MCU: variants seen among roughly 807,000 people sequenced by gnomAD.
The protein encoded by MCU is mitochondrial calcium uniporter, also known as calcium uniporter protein, mitochondrial.
MCU carries 12 observed loss-of-function variants against 45.2 expected under a neutral mutation model. The observed-to-expected ratio is 0.27, with a 90% CI of 0.17 to 0.43. MCU has a LOEUF of 0.43. Ranked by LOEUF, MCU falls within the 20% of genes least tolerant of loss-of-function variation. MCU has a pLI of 1.00. For missense variants in MCU, 324 were observed against 436.7 expected, an observed-to-expected ratio of 0.74 and a Z score of 2.30; for synonymous variants, 160 against 165.1, an observed-to-expected ratio of 0.97 and a Z score of 0.24.
intron 1 of MCU, among the ~76,000 whole-genome samples, chr10:72,824,938 C>G (rs919817873): frequency 2.2e-4 from 34 of 152,100 alleles, no homozygotes; most frequent in African/African-American, 8.2e-4. Flanking sequence ...GACTTCTCAC[C>G]AGCATTTCTT....
chr10:72,762,085 A>T (rs2132723936), intron 1 of MCU, among the ~76,000 whole-genome samples: 1 of 152,318 alleles, frequency 6.6e-6, no homozygotes, highest in Admixed American at 6.5e-5. Flanking sequence ...GGATTTGGAA[A>T]TCTTCAGAAA....
In MCU at chr10:72,859,276, CTGTT is replaced by C; in HGVS notation, c.321_324del (p.Gly109TyrfsTer32). On this transcript the variant is annotated frameshift_variant, in exon 3 of 8. Coordinates refer to ENST00000373053, the MANE Select transcript of MCU (RefSeq NM_138357.3). Reference sequence around the variant, plus strand: ...TTCACACTCAAGCCTATCTCTGACTCTGTTGGTGTATTTTTACGACAACTGCAAG... The same window carrying C: ...TTCACACTCAAGCCTATCTCTGACTCGGTGTATTTTTACGACAACTGCAAG... The C allele has an allele frequency of 6.2e-7, 1 of 1,613,920 alleles. No individual in the cohort carries two copies. Among genetic ancestry groups the C allele is most frequent in the Non-Finnish European group, 8.5e-7 (1 of 1,179,942 alleles).
intron 1 of MCU, among the ~76,000 whole-genome samples, chr10:72,727,641 C>T (rs1331825475): frequency 1.3e-5 from 2 of 152,036 alleles, no homozygotes; most frequent in East Asian, 1.9e-4. Flanking sequence ...TGTTGGTTCC[C>T]GAGTATGTAT....
At chr10:72,820,614 G>A (rs906185249) in intron 1 of MCU, among the ~76,000 whole-genome samples, 1 of 151,550 alleles carries the variant, frequency 6.6e-6, no homozygotes, top group African/African-American at 2.4e-5. Context: ...AAGTTAAAGC[G>A]ATTCTCCTGC....
intron 1 of MCU, among the ~76,000 whole-genome samples, chr10:72,705,615 C>T (rs574995563): frequency 2.0e-5 from 3 of 151,832 alleles, no homozygotes; most frequent in Non-Finnish European, 2.9e-5. Context: ...GTCGGGAGTT[C>T]GAGACCAGCC....
At chr10:72,710,551 T>C (rs866634348) in intron 1 of MCU, among the ~76,000 whole-genome samples, 4 of 146,860 alleles carry the variant, frequency 2.7e-5, no homozygotes, top group Non-Finnish European at 6.0e-5. Flanking sequence ...AGGTTTTTTT[T>C]TTTTTTTTTT....
chr10:72,726,516 T>G (rs1310213136), intron 1 of MCU, among the ~76,000 whole-genome samples: 1 of 152,118 alleles, frequency 6.6e-6, no homozygotes, highest in East Asian at 1.9e-4. Flanking sequence ...CTGTTTTTTT[T>G]TGTCACTGTG....
At chr10:72,875,607 A>G (rs554502393) in intron 6 of MCU, among the ~76,000 whole-genome samples, 5 of 152,370 alleles carry the variant, frequency 3.3e-5, no homozygotes, top group South Asian at 2.1e-4. Flanking sequence ...TGCCTGTTCA[A>G]TGGCATTTAA....
chr10:72,837,428 C>A (rs886390631), intron 2 of MCU, among the ~76,000 whole-genome samples: 1 of 152,136 alleles, frequency 6.6e-6, no homozygotes. Context: ...ACAAGCAGAC[C>A]TAGGTTTATA....
chr10:72,702,548 G>A (rs993057578), intron 1 of MCU, among the ~76,000 whole-genome samples: 2 of 152,230 alleles, frequency 1.3e-5, no homozygotes, highest in African/African-American at 4.8e-5. Context: ...AGAGTTCACA[G>A]TCTGGCCAGG....
At chr10:72,884,230 C>A in intron 6 of MCU, 36 bp from the exon 7 acceptor site, 1 of 1,243,804 alleles carries the variant, frequency 8.0e-7, no homozygotes, top group Non-Finnish European at 1.2e-6. Context: ...AGATAGTATG[C>A]TAAGGACTGA....
rs370543233 is a variant in MCU, at chr10:72,703,399, C to G, written c.150+11098C>G. Among the ~76,000 whole-genome samples the G allele has an allele frequency of 8.5e-5, 13 of 152,294 alleles. No individual in the cohort carries two copies. The South Asian group carries it at 1.2e-3, about 15-fold the overall frequency. ...GATCACACAGCTAGCAGATGTCACA[C>G]CTAGCATATAAACCCCCAAACAGTG... On this transcript the variant is annotated intron_variant, in intron 1 of 7. Transcript: ENST00000373053.
chr10:72,796,952 ACTT>A (rs1213650599), intron 1 of MCU, among the ~76,000 whole-genome samples: 2 of 151,936 alleles, frequency 1.3e-5, no homozygotes, highest in African/African-American at 2.4e-5. Flanking sequence ...AATTTTTGCT[ACTT>A]CTTAGAATTT....
intron 6 of MCU, among the ~76,000 whole-genome samples, chr10:72,880,087 CAT>C (rs1845677668): frequency 1.3e-5 from 2 of 152,134 alleles, no homozygotes; most frequent in Non-Finnish European, 2.9e-5. Flanking sequence ...ACAACAATGA[CAT>C]ATATGTCTGG....
chr10:72,845,643 G>A (rs2132850061), intron 2 of MCU, among the ~76,000 whole-genome samples: 1 of 152,240 alleles, frequency 6.6e-6, no homozygotes, highest in African/African-American at 2.4e-5. Context: ...TACCTACTAG[G>A]TGTGTAGTAG....
At chr10:72,805,085 CTT>C (rs1844411568) in intron 1 of MCU, among the ~76,000 whole-genome samples, 1 of 143,788 alleles carries the variant, frequency 7.0e-6, no homozygotes, top group Non-Finnish European at 1.5e-5. Context: ...TTGTTTCTTT[CTT>C]TCTTTCTTTC....
chr10:72,780,033 A>G (rs757172224), intron 1 of MCU, among the ~76,000 whole-genome samples: 1 of 152,214 alleles, frequency 6.6e-6, no homozygotes, highest in African/African-American at 2.4e-5. Flanking sequence ...TAACCCTAAT[A>G]TCTGTCATCT....
Position 72,804,395 on chromosome 10 carries a change from C to G in MCU, c.151-29964C>G, listed in dbSNP as rs569335911. Among the ~76,000 whole-genome samples the G allele has an allele frequency of 2.0e-5, 3 of 152,016 alleles. No individual in the cohort carries two copies. In the East Asian group the frequency reaches 5.8e-4, roughly 29 times the overall value. ...TGAGCCATCACGCTCGGACAATTTACCTATTTTTAAAGTCAACAAATGGCT... is the reference window on the plus strand; with the variant it reads ...TGAGCCATCACGCTCGGACAATTTAGCTATTTTTAAAGTCAACAAATGGCT... On this transcript the variant is annotated intron_variant, in intron 1 of 7. Transcript: ENST00000373053.
chr10:72,813,208 T>C (rs939163134), intron 1 of MCU, among the ~76,000 whole-genome samples: 13 of 152,126 alleles, frequency 8.5e-5, no homozygotes, highest in Admixed American at 2.0e-4. Flanking sequence ...TCAAATGATA[T>C]ATAGCTAGCT....
Sources: allele counts gnomAD v4.1 joint callset (sites outside exome capture counted in the v4.1 genomes callset), GRCh38; gene constraint gnomAD v4.1.1; transcripts MANE v1.5; gene names NCBI Gene and HGNC (gene_info 2026-07-23, HGNC 2026-07-21).